PXDNL: variants seen among roughly 807,000 people sequenced by gnomAD.
PXDNL encodes the protein probable oxidoreductase PXDNL.
A neutral mutation model predicts 150.8 loss-of-function variants in PXDNL; 145 were observed. The ratio of observed to expected loss-of-function variants is 0.96; its 90% CI spans 0.84 to 1.10. The LOEUF (loss-of-function observed/expected upper bound fraction) is 1.10, where lower values mean the gene tolerates loss of function less well. Among genes scored for constraint, PXDNL ranks in the 50% least tolerant of loss-of-function variants. The pLI, the probability that PXDNL is intolerant of heterozygous loss-of-function variation, is 0.00. For synonymous variants in PXDNL, 757 were observed against 725.7 expected (o/e 1.04, Z -0.69); for missense variants, 2,087 against 1,873.9 (o/e 1.11, Z -2.10).
At chr8:51,327,613 A>G (rs1480918272) in intron 21 of PXDNL, among the ~76,000 whole-genome samples, 1 of 152,186 alleles carries the variant, frequency 6.6e-6, no homozygotes, top group Non-Finnish European at 1.5e-5. Flanking sequence ...TGCATCTCCA[A>G]ATGTTTTATG....
At chr8:51,759,194 C>T (rs1294508801) in intron 1 of PXDNL, among the ~76,000 whole-genome samples, 1 of 152,152 alleles carries the variant, frequency 6.6e-6, no homozygotes, top group African/African-American at 2.4e-5. Flanking sequence ...GATGCTCTCC[C>T]ACAGCCACTA....
chr8:51,563,442 C>T lies in PXDNL; in HGVS notation c.309-6531G>A, dbSNP rs1015781429. Among the ~76,000 whole-genome samples, 3 of 151,924 alleles carry T rather than the reference C, an allele frequency of 2.0e-5. No homozygotes were observed. In the East Asian group the frequency reaches 5.9e-4, roughly 30 times the overall value. On this transcript the variant is annotated intron_variant, in intron 3 of 22. Transcript: ENST00000356297. ...CATGACCTCACCTAAACCCAATTAC[C>T]TGCTGAAGGCTCCACCTCCAAATAC...
intron 12 of PXDNL, among the ~76,000 whole-genome samples, chr8:51,438,000 G>A (rs1809447249): frequency 6.6e-6 from 1 of 152,050 alleles, no homozygotes; most frequent in African/African-American, 2.4e-5. Context: ...CAGTAGCACT[G>A]GTATATACAG....
chr8:51,403,250 G>GAA (rs947561873), intron 17 of PXDNL, among the ~76,000 whole-genome samples: 1 of 151,994 alleles, frequency 6.6e-6, no homozygotes, highest in Admixed American at 6.5e-5. Context: ...AGAAAAAAAT[G>GAA]AAAAAAAGAT....
chr8:51,659,358 C>T (rs1815220963), intron 1 of PXDNL, among the ~76,000 whole-genome samples: 1 of 152,160 alleles, frequency 6.6e-6, no homozygotes, highest in Admixed American at 6.5e-5. Context: ...CTCTCCCCAG[C>T]ACAAGCTGAT....
chr8:51,636,584 T>C (rs1046084560), intron 2 of PXDNL, among the ~76,000 whole-genome samples: 1 of 152,098 alleles, frequency 6.6e-6, no homozygotes, highest in Non-Finnish European at 1.5e-5. Context: ...AGAAAACAAT[T>C]ATACTTATCA....
chr8:51,496,890 C>T (rs1190853741), intron 5 of PXDNL, among the ~76,000 whole-genome samples: 1 of 152,156 alleles, frequency 6.6e-6, no homozygotes, highest in Non-Finnish European at 1.5e-5. Context: ...ATGCCATCCC[C>T]ATCAAGCTAC....
At chr8:51,405,280 G>A (rs915801177) in intron 17 of PXDNL, among the ~76,000 whole-genome samples, 1 of 152,222 alleles carries the variant, frequency 6.6e-6, no homozygotes, top group African/African-American at 2.4e-5. Context: ...TGGGTACCGA[G>A]GCCGAGGAGG....
chr8:51,407,514 T>C (rs1465733858), intron 17 of PXDNL, among the ~76,000 whole-genome samples: 1 of 152,220 alleles, frequency 6.6e-6, no homozygotes, highest in Non-Finnish European at 1.5e-5. Flanking sequence ...TGGAAATGTA[T>C]ACTTGTAGTT....
intron 1 of PXDNL, among the ~76,000 whole-genome samples, chr8:51,662,713 C>T (rs558782565): frequency 9.9e-4 from 151 of 152,116 alleles, no homozygotes; most frequent in Non-Finnish European, 1.7e-3. Flanking sequence ...TGAACAGCTA[C>T]GGATTTTGAT....
rs1040534218 is a variant in PXDNL, at chr8:51,749,769, C to T, written c.164+59412G>A. Among the ~76,000 whole-genome samples, 7 of 152,248 alleles carry T rather than the reference C, an allele frequency of 4.6e-5. No homozygotes were observed. The East Asian group carries it at 5.8e-4, about 13-fold the overall frequency. On this transcript the variant is annotated intron_variant, in intron 1 of 22. Transcript: ENST00000356297. ...AGGCTGGAGTGCAGTGGCATGATCTCGGCTCACTGCAACCTCCGACTCCCT... is the reference window on the plus strand; with the variant it reads ...AGGCTGGAGTGCAGTGGCATGATCTTGGCTCACTGCAACCTCCGACTCCCT...
At chr8:51,549,587 G>A (rs545292523) in intron 4 of PXDNL, among the ~76,000 whole-genome samples, 32 of 152,100 alleles carry the variant, frequency 2.1e-4, no homozygotes, top group African/African-American at 7.2e-4. Flanking sequence ...ATGATCTTTG[G>A]GTCAAAATTA....
At chr8:51,416,657 A>G (rs1441123402) in intron 14 of PXDNL, among the ~76,000 whole-genome samples, 1 of 152,260 alleles carries the variant, frequency 6.6e-6, no homozygotes, top group Non-Finnish European at 1.5e-5. Context: ...TCACATGATT[A>G]TCAATTGATA....
At chr8:51,783,562 A>T (rs1001108914) in intron 1 of PXDNL, among the ~76,000 whole-genome samples, 2 of 152,192 alleles carry the variant, frequency 1.3e-5, no homozygotes, top group African/African-American at 4.8e-5. Flanking sequence ...GATACTTTGA[A>T]TTTCAGTTTT....
At chr8:51,608,029 G>GAA (rs1202225753) in intron 2 of PXDNL, among the ~76,000 whole-genome samples, 1 of 111,234 alleles carries the variant, frequency 9.0e-6, no homozygotes, top group African/African-American at 4.1e-5. Flanking sequence ...AAGAAAGAAA[G>GAA]AAAGAAAGAA....
chr8:51,633,868 A>ACATTCTGAAT (rs1381016341), intron 2 of PXDNL, among the ~76,000 whole-genome samples: 3 of 152,112 alleles, frequency 2.0e-5, no homozygotes, highest in Admixed American at 6.6e-5. Context: ...AGTTCCTTAT[A>ACATTCTGAAT]CATTCTGAAT....
intron 6 of PXDNL, among the ~76,000 whole-genome samples, chr8:51,482,097 C>T (rs368270699): frequency 6.6e-5 from 10 of 152,222 alleles, no homozygotes; most frequent in African/African-American, 2.4e-4. Flanking sequence ...ACACTCAACA[C>T]ACCCCATGAA....
At chr8:51,656,307 A>G (rs763869749) in intron 1 of PXDNL, among the ~76,000 whole-genome samples, 4 of 151,758 alleles carry the variant, frequency 2.6e-5, no homozygotes, top group Non-Finnish European at 2.9e-5. Flanking sequence ...TATAGGAGCT[A>G]TTATTTTCAA....
intron 8 of PXDNL, among the ~76,000 whole-genome samples, chr8:51,467,469 T>C (rs973733388): frequency 2.0e-5 from 3 of 151,990 alleles, no homozygotes; most frequent in Admixed American, 2.0e-4. Flanking sequence ...GAATACATGA[T>C]GGAGAGGTAG....
Sources: gnomAD v4.1 joint callset for allele counts (sites outside exome capture counted in the v4.1 genomes callset) on GRCh38, gnomAD v4.1.1 for gene constraint, MANE v1.5 for transcripts, NCBI Gene and HGNC (gene_info 2026-07-23, HGNC 2026-07-21) for gene names.